Variants in PKD2 observed in about 807,000 individuals in gnomAD.
The protein encoded by PKD2 is polycystin 2, transient receptor potential cation channel, also known as polycystin-2.
Under a neutral mutation model 105.9 loss-of-function variants are expected in PKD2, and 48 were observed. The ratio of observed to expected loss-of-function variants is 0.45; its 90% CI spans 0.36 to 0.58. The LOEUF is 0.58. Among genes scored for constraint, PKD2 ranks in the 20% least tolerant of loss-of-function variants. The pLI, the probability that PKD2 is intolerant of heterozygous loss-of-function variation, is 0.00. For missense variants in PKD2, 1,078 were observed against 1,255.3 expected, an observed-to-expected ratio of 0.86 and a Z score of 2.13; for synonymous variants, 464 against 481.1, an observed-to-expected ratio of 0.96 and a Z score of 0.46.
chr4:88,025,638 G>C (rs538619284), intron 2 of PKD2, among the ~76,000 whole-genome samples: 1 of 151,100 alleles, frequency 6.6e-6, no homozygotes, highest in Admixed American at 6.6e-5. Context: ...GAAAAGAAAA[G>C]AAAAATAAAT....
At chr4:88,050,231 C>T (rs982672744) in intron 6 of PKD2, among the ~76,000 whole-genome samples, 33 of 152,090 alleles carry the variant, frequency 2.2e-4, no homozygotes, top group Non-Finnish European at 3.2e-4. Context: ...ACCTCAGCCT[C>T]CCAAAGTGCT....
intron 1 of PKD2, among the ~76,000 whole-genome samples, chr4:88,010,391 G>A (rs1007844833): frequency 3.3e-5 from 5 of 152,162 alleles, no homozygotes; most frequent in African/African-American, 1.2e-4. Flanking sequence ...TGTGAAGATA[G>A]CACTGTGCTA....
rs1346502999 is a variant in PKD2, at chr4:88,077,333, CT to C, written c.*1640del. On this transcript the variant is annotated 3_prime_UTR_variant, in exon 15 of 15. Coordinates refer to ENST00000237596, the MANE Select transcript of PKD2 (RefSeq NM_000297.4). Reference sequence around the variant, plus strand: ...CTATCTTTACTTTCTCTTGAATATGCTACACAAAGTTCTTTATTACTACATA... The same window carrying C: ...CTATCTTTACTTTCTCTTGAATATGCACACAAAGTTCTTTATTACTACATA... 1 of 152,552 alleles carries C rather than the reference CT, an allele frequency of 6.6e-6. No individual in the cohort carries two copies. Among genetic ancestry groups the C allele is most frequent in the Non-Finnish European group, 1.5e-5 (1 of 68,022 alleles). 9.4% of individuals were successfully genotyped at this position (152,552 alleles called of 1,614,324 possible). A position where few individuals can be genotyped will look rare whatever the true frequency, so the allele number is the denominator to read the frequency against.
At chr4:88,016,273 A>G (rs974751294) in intron 1 of PKD2, among the ~76,000 whole-genome samples, 2 of 152,134 alleles carry the variant, frequency 1.3e-5, no homozygotes, top group Admixed American at 6.5e-5. Flanking sequence ...GGCATTAGCT[A>G]AGCACCCTCT....
intron 12 of PKD2, among the ~76,000 whole-genome samples, chr4:88,067,316 C>T (rs1720833251): frequency 6.6e-6 from 1 of 152,142 alleles, no homozygotes. Context: ...CCAAGTATTT[C>T]AAATAAGGGA....
rs1171211407 is a variant in PKD2, at chr4:88,074,924, G to A, written c.2635G>A (p.Glu879Lys). The A allele has an allele frequency of 6.2e-7, 1 of 1,613,638 alleles. No individual in the cohort carries two copies. The highest frequency in any genetic ancestry group is 8.5e-7 in the Non-Finnish European group (1 of 1,179,558). ...GGAGCGAGCCAAACTGAAGAGGAGG[G>A]AGGTGCTGGGAAGGCTGTTGGATGG... ...IMERAKLKRR[E>K]VLGRLLDGVA... The change falls in exon 14 of 15, where the codon GAG becomes AAG. Residue 879 changes from glutamate to lysine, a missense_variant. Physicochemically the swap from Glu to Lys is moderately conservative, Grantham distance 56. Around this residue, in one of 2 missense-constraint regions of PKD2, gnomAD observed 868 missense variants for 1,067.3 expected, o/e 0.81. Coordinates refer to ENST00000237596, the MANE Select transcript of PKD2 (RefSeq NM_000297.4).
intron 6 of PKD2, among the ~76,000 whole-genome samples, chr4:88,050,598 A>G (rs1025234509): frequency 2.0e-5 from 3 of 152,210 alleles, no homozygotes; most frequent in African/African-American, 7.2e-5. Flanking sequence ...CAGAGTAAAA[A>G]CAACTGGACT....
Position 88,008,092 on chromosome 4 carries a change from C to G in PKD2, c.359C>G (p.Pro120Arg), listed in dbSNP as rs1464861874. ...MVVEMDVEWR[P>R]GSRRSAASSA... ...GTGGAGATGGACGTAGAGTGGCGCCCGGGCAGCCGGAGGTCGGCCGCCTCC... is the reference window on the plus strand; with the variant it reads ...GTGGAGATGGACGTAGAGTGGCGCCGGGGCAGCCGGAGGTCGGCCGCCTCC... Residue 120 changes from proline (P) to arginine (R), a missense_variant, in exon 1 of 15, where the codon CCG becomes CGG. Physicochemically the swap from Pro to Arg is moderately radical, Grantham distance 103 (BLOSUM62 -2). Coordinates refer to ENST00000237596, the MANE Select transcript of PKD2 (RefSeq NM_000297.4). 1.1e-5 allele frequency: 16 copies of G among 1,517,420 alleles called. No individual in the cohort carries two copies. The highest frequency in any genetic ancestry group is 8.8e-6 in the Non-Finnish European group (10 of 1,137,918). The allele number at this position is 1,517,420 out of a possible 1,614,324, so 94.0% of individuals were successfully genotyped here. A position where few individuals can be genotyped will look rare whatever the true frequency, so the allele number is the denominator to read the frequency against.
intron 6 of PKD2, among the ~76,000 whole-genome samples, chr4:88,047,081 C>G (rs148060855): frequency 6.4e-4 from 97 of 152,272 alleles, no homozygotes; most frequent in African/African-American, 1.9e-3. Context: ...ACAGTATGCT[C>G]TCAGCCACGC....
In PKD2 at chr4:88,065,823, C is replaced by G. The variant is rs780728246; in HGVS notation, c.2302C>G (p.Gln768Glu). 1.5e-5 allele frequency: 24 copies of G among 1,613,508 alleles called. No individual in the cohort carries two copies. The highest frequency in any genetic ancestry group is 2.0e-5 in the Non-Finnish European group (24 of 1,179,684). The change falls in exon 12 of 15, where the codon CAA becomes GAA. Residue 768 changes from glutamine to glutamate, a missense_variant. Physicochemically the swap from Gln to Glu is conservative, Grantham distance 29. Around this residue, in one of 2 missense-constraint regions of PKD2, gnomAD observed 868 missense variants for 1,067.3 expected, o/e 0.81. Coordinates refer to ENST00000237596, the MANE Select transcript of PKD2 (RefSeq NM_000297.4). ...IFTKYDQDGD[Q>E]ELTEHEHQQM... ...CACAAAGTACGACCAAGATGGAGAC[C>G]AAGAACTGACCGAACATGAACATCA...
chr4:88,024,884 C>T (rs1726898043), intron 2 of PKD2, among the ~76,000 whole-genome samples: 1 of 152,032 alleles, frequency 6.6e-6, no homozygotes, highest in Non-Finnish European at 1.5e-5. Context: ...CCTGTAATTC[C>T]AGCACTTTGG....
chr4:88,044,723 C>CTGT (rs1727705290), intron 5 of PKD2, among the ~76,000 whole-genome samples: 1 of 152,086 alleles, frequency 6.6e-6, no homozygotes, highest in African/African-American at 2.4e-5. Flanking sequence ...GTTGAATCAA[C>CTGT]TGTTGTGTGC....
At position 88,075,531 on chromosome 4, in the gene PKD2, G is replaced by A. The variant is rs755957288; in HGVS notation, c.2744G>A (p.Arg915His). The A allele has an allele frequency of 1.9e-6, 3 of 1,614,134 alleles. No individual in the cohort carries two copies. The highest frequency in any genetic ancestry group is 1.6e-4 in the Middle Eastern group (1 of 6,062). Residue 915 changes from arginine (R) to histidine (H), a missense_variant, in exon 15 of 15, where the codon CGC becomes CAC. Arg to His is a conservative substitution (Grantham distance 29, BLOSUM62 0). Around this residue, in one of 2 missense-constraint regions of PKD2, gnomAD observed 868 missense variants for 1,067.3 expected, o/e 0.81. Coordinates refer to ENST00000237596, the MANE Select transcript of PKD2 (RefSeq NM_000297.4). Reference protein sequence around the residue: ...MERLVREELERWESDDAASQI... With the variant: ...MERLVREELEHWESDDAASQI... The stretch of plus-strand genomic sequence containing the variant: ...CGGCTAGTACGTGAAGAGTTGGAAC[G>A]CTGGGAATCCGATGATGCAGCTTCC...
Position 88,007,739 on chromosome 4 carries a change from G to T in PKD2, c.6G>T (p.Val2=). The change falls in exon 1 of 15, where the codon GTG becomes GTT. Residue 2 remains valine, a synonymous_variant. Coordinates refer to ENST00000237596, the MANE Select transcript of PKD2 (RefSeq NM_000297.4). The part of the protein sequence containing the change: M[V]NSSRVQPQQP... ...GCCGGACGCCAGTGACCGCGATGGT[G>T]AACTCCAGTCGCGTGCAGCCTCAGC... is the stretch of plus-strand genomic sequence containing the variant. 1.7e-6 allele frequency: 2 copies of T among 1,205,758 alleles called. No individual in the cohort carries two copies. The highest frequency in any genetic ancestry group is 4.3e-5 in the South Asian group (2 of 46,394). 74.7% of individuals were successfully genotyped at this position (1,205,758 alleles called of 1,614,324 possible). A position where few individuals can be genotyped will look rare whatever the true frequency, so the allele number is the denominator to read the frequency against.
At chr4:88,040,805 AT>A (rs1285710848) in intron 4 of PKD2, among the ~76,000 whole-genome samples, 1 of 152,052 alleles carries the variant, frequency 6.6e-6, no homozygotes, top group Non-Finnish European at 1.5e-5. Flanking sequence ...CACTTCTCTT[AT>A]TCCCAGGTTC....
chr4:88,048,843 C>T lies in PKD2; in HGVS notation c.1548+1973C>T, dbSNP rs188058770. Among the ~76,000 whole-genome samples the T allele has an allele frequency of 9.9e-5, 15 of 152,162 alleles. No homozygotes were observed. In the South Asian group the frequency reaches 1.7e-3, roughly 17 times the overall value. On this transcript the variant is annotated intron_variant, in intron 6 of 14. Coordinates refer to ENST00000237596, the MANE Select transcript of PKD2 (RefSeq NM_000297.4). ...TTAGCATTTAAGGAAACAGGAGAGA[C>T]GATAATACTGGAAATAATTTTTCAG...
At chr4:88,040,948 T>G (rs1727538799) in intron 4 of PKD2, among the ~76,000 whole-genome samples, 1 of 152,022 alleles carries the variant, frequency 6.6e-6, no homozygotes, top group African/African-American at 2.4e-5. Context: ...TTGCTAGAAG[T>G]CCCCCCTCTT....
chr4:88,026,671 T>C (rs748177890), intron 2 of PKD2, among the ~76,000 whole-genome samples: 16 of 152,092 alleles, frequency 1.1e-4, no homozygotes, highest in Non-Finnish European at 1.9e-4. Context: ...GGTAAATGTC[T>C]CCAGGGCGTT....
At chr4:88,008,799 C>T (rs1265984008) in intron 1 of PKD2, among the ~76,000 whole-genome samples, 2 of 152,122 alleles carry the variant, frequency 1.3e-5, no homozygotes, top group Non-Finnish European at 2.9e-5. Flanking sequence ...AAAAGGGTAG[C>T]AGTACAGTGC....
Sources: allele counts gnomAD v4.1 joint callset (sites outside exome capture counted in the v4.1 genomes callset), GRCh38; gene constraint gnomAD v4.1.1; regional missense constraint gnomAD v4.1.1; transcripts MANE v1.5; gene names NCBI Gene and HGNC (gene_info 2026-07-23, HGNC 2026-07-21).